Variants in MON2 observed in about 807,000 individuals in gnomAD.
The protein encoded by MON2 is protein MON2 homolog.
A neutral mutation model predicts 208.6 loss-of-function variants in MON2; 84 were observed. The observed-to-expected ratio is 0.40, with a 90% CI of 0.34 to 0.48. The LOEUF is 0.48. Ranked by LOEUF, MON2 falls within the 20% of genes least tolerant of loss-of-function variation. MON2 has a pLI of 0.59. For missense variants in MON2, 1,611 were observed against 2,015.4 expected, an observed-to-expected ratio of 0.80 and a Z score of 3.84; for synonymous variants, 660 against 694.0, an observed-to-expected ratio of 0.95 and a Z score of 0.77.
At chr12:62,563,251 A>G (rs1395626827) in intron 26 of MON2, among the ~76,000 whole-genome samples, 1 of 152,152 alleles carries the variant, frequency 6.6e-6, no homozygotes, top group Non-Finnish European at 1.5e-5. Context: ...TAAGTCTACA[A>G]CTTTTTGCTT....
rs896354501 is a variant in MON2 at position 62,599,209 on chromosome 12, C to A, written c.*6460C>A. ...ATGAAAAAATAATAAACAGAAGACACGAAGTGTCTCTCAATAGTTTAGAAA... is the reference window on the plus strand; with the variant it reads ...ATGAAAAAATAATAAACAGAAGACAAGAAGTGTCTCTCAATAGTTTAGAAA... On this transcript the variant is annotated 3_prime_UTR_variant, in exon 35 of 35. Transcript: ENST00000393630. The A allele has an allele frequency of 6.6e-6, 1 of 151,982 alleles. No homozygotes were observed. Among genetic ancestry groups the A allele is most frequent in the Non-Finnish European group, 1.5e-5 (1 of 67,984 alleles). 9.4% of individuals were successfully genotyped at this position (151,982 alleles called of 1,614,324 possible). A position where few individuals can be genotyped will look rare whatever the true frequency, so the allele number is the denominator to read the frequency against.
At chr12:62,565,640 A>G (rs997448490) in intron 27 of MON2, among the ~76,000 whole-genome samples, 7 of 152,178 alleles carry the variant, frequency 4.6e-5, no homozygotes, top group African/African-American at 1.7e-4. Flanking sequence ...ACTCTCCAGT[A>G]CATCTTTCTT....
At position 62,595,106 on chromosome 12, in the gene MON2, A is replaced by T. The variant is rs996409448; in HGVS notation, c.*2357A>T. 2 of 152,114 alleles carry T rather than the reference A, an allele frequency of 1.3e-5. No homozygotes were observed. Among genetic ancestry groups the T allele is most frequent in the Non-Finnish European group, 2.9e-5 (2 of 68,020 alleles). The allele number at this position is 152,114 out of a possible 1,614,324, so 9.4% of individuals were successfully genotyped here. ...AACCAGCCCTTTAAGCAGTAGTAAAAATGTCCTTTGTCATACTTACTAGAA... is the reference window on the plus strand; with the variant it reads ...AACCAGCCCTTTAAGCAGTAGTAAATATGTCCTTTGTCATACTTACTAGAA... On this transcript the variant is annotated 3_prime_UTR_variant, in exon 35 of 35. Coordinates refer to ENST00000393630, the MANE Select transcript of MON2 (RefSeq NM_015026.3).
chr12:62,477,615 C>G (rs953358989), intron 1 of MON2, among the ~76,000 whole-genome samples: 1 of 33,126 alleles, frequency 3.0e-5, no homozygotes, highest in Non-Finnish European at 5.8e-5. Context: ...CAGCATCTGC[C>G]TATGTTGCCC....
chr12:62,518,536 T>A (rs1002884333), intron 8 of MON2, among the ~76,000 whole-genome samples: 1 of 152,214 alleles, frequency 6.6e-6, no homozygotes, highest in Non-Finnish European at 1.5e-5. Context: ...TCGCTCTCTT[T>A]TTTTTTCTTT....
intron 34 of MON2, among the ~76,000 whole-genome samples, chr12:62,591,931 T>C (rs1051556287): frequency 6.6e-6 from 1 of 152,186 alleles, no homozygotes; most frequent in African/African-American, 2.4e-5. Flanking sequence ...ACAATACTTA[T>C]AGGAAAATAT....
chr12:62,493,308 TAGA>T (rs1305942402), intron 2 of MON2, among the ~76,000 whole-genome samples: 1 of 152,198 alleles, frequency 6.6e-6, no homozygotes, highest in Non-Finnish European at 1.5e-5. Flanking sequence ...GCTGGCTTGG[TAGA>T]AGAAGTTAAA....
rs1203179790 is a variant in MON2, at chr12:62,565,297, T to C, written c.4093T>C (p.Leu1365=). The change falls in exon 27 of 35, where the codon TTG becomes CTG. Residue 1365 remains leucine, a synonymous_variant. Transcript: ENST00000393630. ...GTATCCAGCTATATTTGACCAGTTG[T>C]TGGCATTTGTAGAATTTTCCTGTAA... ...IMYPAIFDQL[L]AFVEFSCKPP... The C allele has an allele frequency of 1.9e-6, 3 of 1,613,168 alleles. No homozygotes were observed. The highest frequency in any genetic ancestry group is 2.7e-5 in the African/African-American group (2 of 74,892).
At chr12:62,518,753 T>C (rs2071837722) in intron 8 of MON2, among the ~76,000 whole-genome samples, 1 of 152,212 alleles carries the variant, frequency 6.6e-6, no homozygotes, top group Non-Finnish European at 1.5e-5. Flanking sequence ...TGGGTGATGA[T>C]CAACTGGTAA....
intron 22 of MON2, among the ~76,000 whole-genome samples, chr12:62,549,312 C>T (rs2073638685): frequency 6.6e-6 from 1 of 151,888 alleles, no homozygotes; most frequent in Admixed American, 6.6e-5. Flanking sequence ...TGTATTTTTA[C>T]ACATTTCTTT....
intron 1 of MON2, chr12:62,470,684 T>TTA: frequency 9.0e-7 from 1 of 1,116,798 alleles, no homozygotes; most frequent in Non-Finnish European, 1.1e-6. Flanking sequence ...AACTTTCTTA[T>TTA]TATTTCCTAT....
Position 62,599,795 on chromosome 12 carries a change from CTT to C in MON2, c.*7047_*7048del, listed in dbSNP as rs1045705943. The C allele has an allele frequency of 1.2e-4, 19 of 152,214 alleles. No homozygotes were observed. The East Asian group carries it at 2.3e-3, about 19-fold the overall frequency. 9.4% of individuals were successfully genotyped at this position (152,214 alleles called of 1,614,324 possible). On this transcript the variant is annotated 3_prime_UTR_variant, in exon 35 of 35. Transcript: ENST00000393630. ...ACTTATAAAATAAACTAAAAATACTCTTGAGGCAATTACTATTTCTATGATGG... is the reference window on the plus strand; with the variant it reads ...ACTTATAAAATAAACTAAAAATACTCGAGGCAATTACTATTTCTATGATGG...
chr12:62,466,904 AC>A lies in MON2; in HGVS notation c.-301del, dbSNP rs1282244616. 2.1e-6 allele frequency: 1 copy of A among 484,654 alleles called. No homozygotes were observed. Among genetic ancestry groups the A allele is most frequent in the East Asian group, 3.4e-5 (1 of 29,596 alleles). The allele number at this position is 484,654 out of a possible 1,614,324, so 30.0% of individuals were successfully genotyped here. On this transcript the variant is annotated 5_prime_UTR_variant, in exon 1 of 35. Transcript: ENST00000393630. ...GCTTCTTGCCAGGTTGGCTGGTGAC[AC>A]CCGGTGTGGCTGGGCCCCGCGGCAG... is the stretch of plus-strand genomic sequence containing the variant.
chr12:62,493,779 G>A (rs1298089485), intron 2 of MON2, 136 bp from the exon 3 acceptor site: 4 of 576,424 alleles, frequency 6.9e-6, no homozygotes, highest in Non-Finnish European at 1.1e-5. Flanking sequence ...CTTGGTACTT[G>A]ATTTTTGTTT....
chr12:62,555,900 G>T, intron 24 of MON2, 94 bp from the exon 25 acceptor site: 3 of 896,640 alleles, frequency 3.3e-6, no homozygotes, highest in Non-Finnish European at 5.1e-6. Flanking sequence ...TATATTTTTT[G>T]TAACAATTTG....
intron 14 of MON2, among the ~76,000 whole-genome samples, chr12:62,536,496 A>C (rs1381971087): frequency 6.6e-6 from 1 of 151,978 alleles, no homozygotes; most frequent in East Asian, 1.9e-4. Context: ...CTCAGTTTTC[A>C]AACTGAAAAT....
rs191885773 is a variant in MON2 at position 62,560,350 on chromosome 12, C to T, written c.3410-141C>T. ...ATAATTTTAATTCCCATTGTTAGTA[C>T]CTTAGTACCTAGTCATATATTTTCC... On this transcript the variant is annotated intron_variant, in intron 25 of 34. Transcript: ENST00000393630. 7.3e-6 allele frequency: 6 copies of T among 826,264 alleles called. No individual in the cohort carries two copies. In the East Asian group the frequency reaches 1.5e-4, roughly 21 times the overall value. The allele number at this position is 826,264 out of a possible 1,614,324, so 51.2% of individuals were successfully genotyped here. A position where few individuals can be genotyped will look rare whatever the true frequency, so the allele number is the denominator to read the frequency against.
At chr12:62,568,474 G>A (rs2074466586) in intron 29 of MON2, among the ~76,000 whole-genome samples, 1 of 152,050 alleles carries the variant, frequency 6.6e-6, no homozygotes, top group South Asian at 2.1e-4. Flanking sequence ...AAGTCGCTGG[G>A]ACTACAGGTG....
At chr12:62,575,541 T>G (rs1011782959) in intron 30 of MON2, among the ~76,000 whole-genome samples, 2 of 152,234 alleles carry the variant, frequency 1.3e-5, no homozygotes, top group African/African-American at 4.8e-5. Context: ...AGACTAATAC[T>G]TGATTATTTT....
Sources: allele counts gnomAD v4.1 joint callset (sites outside exome capture counted in the v4.1 genomes callset), GRCh38; gene constraint gnomAD v4.1.1; transcripts MANE v1.5; gene names NCBI Gene and HGNC (gene_info 2026-07-23, HGNC 2026-07-21).